Variants in SPHKAP observed in about 807,000 individuals in gnomAD.
SPHKAP encodes the protein SPHK1 interactor, AKAP domain containing, also known as A-kinase anchor protein SPHKAP.
Under a neutral mutation model 137.5 loss-of-function variants are expected in SPHKAP, and 67 were observed. The observed-to-expected ratio is 0.49, with a 90% CI of 0.40 to 0.60. SPHKAP has a LOEUF of 0.60. SPHKAP is among the 20% of genes least tolerant of loss of function. The probability of loss-of-function intolerance (pLI) is 0.00; values close to 1 mark genes in which losing one functional copy is unlikely to be tolerated. For missense variants in SPHKAP, 2,097 were observed against 2,069.3 expected (o/e 1.01, Z -0.26); for synonymous variants, 813 against 785.3 (o/e 1.04, Z -0.59).
At chr2:228,024,732 T>C (rs188827747) in intron 5 of SPHKAP, among the ~76,000 whole-genome samples, 17 of 152,312 alleles carry the variant, frequency 1.1e-4, no homozygotes, top group African/African-American at 3.6e-4. Context: ...ATCACTGTAA[T>C]ATACTTTATG....
At chr2:228,006,754 T>C (rs1270841116) in intron 7 of SPHKAP, among the ~76,000 whole-genome samples, 1 of 152,218 alleles carries the variant, frequency 6.6e-6, no homozygotes. Context: ...GTTTTCCTTT[T>C]AACAGTCAGG....
intron 11 of SPHKAP, among the ~76,000 whole-genome samples, chr2:227,982,988 G>T (rs565002469): frequency 6.6e-6 from 1 of 152,132 alleles, no homozygotes; most frequent in Non-Finnish European, 1.5e-5. Flanking sequence ...TGGAGCACTG[G>T]GAGAAAAAAT....
intron 3 of SPHKAP, among the ~76,000 whole-genome samples, chr2:228,103,705 A>G (rs1423723626): frequency 6.6e-6 from 1 of 152,180 alleles, no homozygotes; most frequent in Non-Finnish European, 1.5e-5. Flanking sequence ...GACTTCTGCC[A>G]TTAGCATTTG....
At position 227,980,071 on chromosome 2, in the gene SPHKAP, C is replaced by T. The variant is rs1413397517; in HGVS notation, c.*1646G>A. The T allele has an allele frequency of 3.3e-5, 5 of 152,528 alleles. No individual in the cohort carries two copies. The highest frequency in any genetic ancestry group is 7.4e-5 in the Non-Finnish European group (5 of 68,010). The allele number at this position is 152,528 out of a possible 1,614,324, so 9.4% of individuals were successfully genotyped here. A position where few individuals can be genotyped will look rare whatever the true frequency, so the allele number is the denominator to read the frequency against. On this transcript the variant is annotated 3_prime_UTR_variant, in exon 12 of 12. Coordinates refer to ENST00000392056, the MANE Select transcript of SPHKAP (RefSeq NM_001142644.2). The stretch of plus-strand genomic sequence containing the variant: ...TAAGATAAGTAAACATTTATTTGAG[C>T]ACAACAAAAGTCTACACACAGTATT...
At chr2:228,033,447 A>T (rs12473875) in intron 3 of SPHKAP, among the ~76,000 whole-genome samples, 27,870 of 152,068 alleles carry the variant, frequency 0.18, 2,801 homozygotes, top group East Asian at 0.39. Context: ...TTAACACCCC[A>T]CTGTCAACAT....
chr2:228,119,272 A>G (rs1279233657), intron 2 of SPHKAP, among the ~76,000 whole-genome samples: 2 of 152,138 alleles, frequency 1.3e-5, no homozygotes, highest in Non-Finnish European at 2.9e-5. Flanking sequence ...TAGTGGGAAA[A>G]GAATCTTTTA....
Position 228,027,513 on chromosome 2 carries a change from C to T in SPHKAP, c.277G>A (p.Asp93Asn). ...VCFVNLDVNK[D>N]ECSTEHLQQK... ...TGCAGGTGCTCTGTGCTGCATTCATCCTTGTTCACATCAAGATTCACAAAG... is the reference window on the plus strand; with the variant it reads ...TGCAGGTGCTCTGTGCTGCATTCATTCTTGTTCACATCAAGATTCACAAAG... The change falls in exon 4 of 12, where the codon GAT (aspartate) becomes AAT (asparagine). Residue 93 changes from aspartate to asparagine, a missense_variant. Coordinates refer to ENST00000392056, the MANE Select transcript of SPHKAP (RefSeq NM_001142644.2). 7 of 1,614,014 alleles carry T rather than the reference C, an allele frequency of 4.3e-6. No individual in the cohort carries two copies. The South Asian group carries it at 7.7e-5, about 18-fold the overall frequency.
At chr2:228,112,240 C>A (rs144158554) in intron 2 of SPHKAP, among the ~76,000 whole-genome samples, 1 of 152,084 alleles carries the variant, frequency 6.6e-6, no homozygotes, top group Non-Finnish European at 1.5e-5. Flanking sequence ...CAGGTATCAT[C>A]GCTTCTTGGC....
At chr2:227,993,674 G>T in intron 8 of SPHKAP, 54 bp from the exon 9 acceptor site, 1 of 1,444,114 alleles carries the variant, frequency 6.9e-7, no homozygotes, top group Non-Finnish European at 9.5e-7. Context: ...CTAACATGCT[G>T]CTGACAGTGA....
At chr2:228,158,310 T>A (rs1700170269) in intron 1 of SPHKAP, among the ~76,000 whole-genome samples, 1 of 148,548 alleles carries the variant, frequency 6.7e-6, no homozygotes. Flanking sequence ...TAATTGTAAT[T>A]GTAATTTACT....
intron 7 of SPHKAP, among the ~76,000 whole-genome samples, chr2:227,997,819 G>A (rs936261586): frequency 6.6e-6 from 1 of 152,148 alleles, no homozygotes; most frequent in Non-Finnish European, 1.5e-5. Flanking sequence ...AAGAGTGTTT[G>A]CACTTGTTTG....
chr2:228,120,638 T>C (rs1432715681), intron 2 of SPHKAP, among the ~76,000 whole-genome samples: 1 of 152,144 alleles, frequency 6.6e-6, no homozygotes, highest in African/African-American at 2.4e-5. Flanking sequence ...ATCTTAATGT[T>C]GTCAAAAGAA....
chr2:228,030,829 T>A (rs769751737), intron 3 of SPHKAP, among the ~76,000 whole-genome samples: 3 of 152,118 alleles, frequency 2.0e-5, no homozygotes, highest in African/African-American at 4.8e-5. Flanking sequence ...AAAAATAAGC[T>A]AGTTTTCCTC....
chr2:228,027,339 G>A, intron 4 of SPHKAP, 145 bp downstream of exon 4: 1 of 810,850 alleles, frequency 1.2e-6, no homozygotes, highest in South Asian at 1.7e-5. Context: ...TAGAGGGTAA[G>A]TGCTAGGGAA....
chr2:228,142,493 A>C (rs554439035), intron 1 of SPHKAP, among the ~76,000 whole-genome samples: 1 of 152,106 alleles, frequency 6.6e-6, no homozygotes, highest in South Asian at 2.1e-4. Flanking sequence ...AAGAAGGATT[A>C]TATGTTACTG....
rs780411170 is a variant in SPHKAP, at chr2:228,019,616, G to T, written c.1238C>A (p.Thr413Lys). The part of the protein sequence containing the change: ...AFIRLSQSQS[T>K]LPQESAVSVS... Reference sequence around the variant, plus strand: ...ACTGACTGCAGATTCCTGGGGTAATGTGGACTGAGATTGAGATAATCTAAT... The same window carrying T: ...ACTGACTGCAGATTCCTGGGGTAATTTGGACTGAGATTGAGATAATCTAAT... Residue 413 changes from threonine to lysine, a missense_variant, in exon 7 of 12, where the codon ACA (threonine) becomes AAA (lysine). Transcript: ENST00000392056. 8.7e-5 allele frequency: 140 copies of T among 1,614,022 alleles called. No individual in the cohort carries two copies. In the South Asian group the frequency reaches 1.4e-3, roughly 17 times the overall value.
intron 7 of SPHKAP, among the ~76,000 whole-genome samples, chr2:228,001,518 AATAT>A (rs1042435468): frequency 4.9e-4 from 70 of 143,042 alleles, no homozygotes; most frequent in East Asian, 1.6e-3. Context: ...TATATATAAG[AATAT>A]ATATACATAT....
At chr2:228,036,549 T>C (rs1237542552) in intron 3 of SPHKAP, among the ~76,000 whole-genome samples, 2 of 152,062 alleles carry the variant, frequency 1.3e-5, no homozygotes, top group African/African-American at 2.4e-5. Context: ...ACCCAAAGGA[T>C]TATAAATCAT....
chr2:228,057,401 A>G (rs1452028072), intron 3 of SPHKAP, among the ~76,000 whole-genome samples: 1 of 152,196 alleles, frequency 6.6e-6, no homozygotes, highest in Non-Finnish European at 1.5e-5. Flanking sequence ...TCTGCATCTC[A>G]AAACTTATGC....
Sources: gnomAD v4.1 joint callset for allele counts (sites outside exome capture counted in the v4.1 genomes callset) on GRCh38, gnomAD v4.1.1 for gene constraint, MANE v1.5 for transcripts, NCBI Gene and HGNC (gene_info 2026-07-23, HGNC 2026-07-21) for gene names.